MYRIP: variants seen among roughly 807,000 people sequenced by gnomAD.
The protein encoded by MYRIP is rab effector MyRIP.
MYRIP carries 49 observed loss-of-function variants against 98.0 expected under a neutral mutation model. That is an observed-to-expected ratio of 0.50 (90% CI 0.40 to 0.63). The LOEUF is 0.63. MYRIP is among the 30% of genes least tolerant of loss of function. The pLI is 0.00. For missense variants in MYRIP, 1,004 were observed against 1,058.2 expected, an observed-to-expected ratio of 0.95 and a Z score of 0.71; for synonymous variants, 404 against 409.5, an observed-to-expected ratio of 0.99 and a Z score of 0.16.
In MYRIP at chr3:39,959,346, C is replaced by G. The variant is rs58518343; in HGVS notation, c.110+58420C>G. On this transcript the variant is annotated intron_variant, in intron 2 of 16. Transcript: ENST00000302541. ...CACCATGGAATACTATGCAGCCATA[C>G]AAAAGGATGAGTTCATGTCCTTTGT... Among the ~76,000 whole-genome samples, 221 of 141,944 alleles carry G rather than the reference C, an allele frequency of 1.6e-3. 1 individual carries two copies. The highest frequency in any genetic ancestry group is 5.6e-3 in the African/African-American group (216 of 38,660). 93.1% of individuals were successfully genotyped at this position (141,944 alleles called of 152,430 possible).
chr3:39,844,599 G>C (rs544603979), intron 1 of MYRIP, among the ~76,000 whole-genome samples: 1 of 152,206 alleles, frequency 6.6e-6, no homozygotes, highest in Non-Finnish European at 1.5e-5. Context: ...CCACTTGACA[G>C]TGGGAACCTA....
chr3:39,888,905 G>T (rs1327183662), intron 1 of MYRIP, among the ~76,000 whole-genome samples: 1 of 152,138 alleles, frequency 6.6e-6, no homozygotes, highest in African/African-American at 2.4e-5. Flanking sequence ...AGACATTTAT[G>T]CAGCCAAAAA....
intron 2 of MYRIP, among the ~76,000 whole-genome samples, chr3:39,962,202 T>C (rs1422683996): frequency 1.3e-5 from 2 of 152,122 alleles, no homozygotes; most frequent in East Asian, 3.9e-4. Flanking sequence ...ATCTCCAGAT[T>C]GTTATGAAGG....
intron 2 of MYRIP, among the ~76,000 whole-genome samples, chr3:39,967,599 A>G (rs1945470999): frequency 6.6e-6 from 1 of 152,178 alleles, no homozygotes; most frequent in African/African-American, 2.4e-5. Context: ...GTATATACCC[A>G]GTAATGAGAT....
At chr3:39,879,809 G>A (rs1379066467) in intron 1 of MYRIP, among the ~76,000 whole-genome samples, 3 of 152,078 alleles carry the variant, frequency 2.0e-5, no homozygotes, top group Non-Finnish European at 2.9e-5. Context: ...ACACACACAG[G>A]TCTGGGATCA....
chr3:40,086,073 A>T (rs1948619809), intron 3 of MYRIP, among the ~76,000 whole-genome samples: 2 of 152,242 alleles, frequency 1.3e-5, no homozygotes, highest in Admixed American at 1.3e-4. Context: ...TTAGGATGGG[A>T]TCCCAAAAAA....
intron 8 of MYRIP, among the ~76,000 whole-genome samples, chr3:40,181,614 A>G (rs995327298): frequency 6.6e-6 from 1 of 152,206 alleles, no homozygotes; most frequent in African/African-American, 2.4e-5. Flanking sequence ...GTCTCTTTCT[A>G]TTTGATAAAA....
At chr3:40,216,556 C>T (rs909927441) in intron 11 of MYRIP, among the ~76,000 whole-genome samples, 4 of 152,130 alleles carry the variant, frequency 2.6e-5, no homozygotes, top group African/African-American at 4.8e-5. Context: ...ATTCACATAC[C>T]ATAACTCATA....
chr3:39,975,396 G>C (rs1434917135), intron 2 of MYRIP, among the ~76,000 whole-genome samples: 1 of 151,926 alleles, frequency 6.6e-6, no homozygotes, highest in African/African-American at 2.4e-5. Flanking sequence ...GGAAATAAAA[G>C]AGGATACAAA....
intron 3 of MYRIP, among the ~76,000 whole-genome samples, chr3:40,057,522 C>G (rs548051977): frequency 2.1e-4 from 32 of 152,316 alleles, no homozygotes; most frequent in African/African-American, 7.0e-4. Flanking sequence ...CCTGTAAGAA[C>G]AGGCACCATA....
chr3:39,924,112 T>A (rs1944361771), intron 2 of MYRIP, among the ~76,000 whole-genome samples: 1 of 151,972 alleles, frequency 6.6e-6, no homozygotes, highest in African/African-American at 2.4e-5. Context: ...TAGTAAAAAA[T>A]TTCATATTTA....
At chr3:40,199,123 G>C (rs1951481640) in intron 10 of MYRIP, among the ~76,000 whole-genome samples, 1 of 152,144 alleles carries the variant, frequency 6.6e-6, no homozygotes, top group Admixed American at 6.5e-5. Flanking sequence ...GGAAGCTCTA[G>C]TAGAACAATA....
intron 2 of MYRIP, among the ~76,000 whole-genome samples, chr3:39,951,861 T>C (rs1945024563): frequency 6.6e-6 from 1 of 152,196 alleles, no homozygotes; most frequent in Non-Finnish European, 1.5e-5. Flanking sequence ...ACTGTCACTT[T>C]TCAGTTGCTA....
intron 2 of MYRIP, among the ~76,000 whole-genome samples, chr3:39,959,073 T>A (rs1215045552): frequency 2.0e-5 from 3 of 152,228 alleles, no homozygotes; most frequent in Non-Finnish European, 2.9e-5. Flanking sequence ...TTTTACACTG[T>A]TGGTGGGACT....
At chr3:40,128,726 C>T (rs1375095010) in intron 3 of MYRIP, among the ~76,000 whole-genome samples, 2 of 152,178 alleles carry the variant, frequency 1.3e-5, no homozygotes, top group Non-Finnish European at 2.9e-5. Flanking sequence ...CAAACCAAAG[C>T]AAAGCTCACA....
intron 2 of MYRIP, among the ~76,000 whole-genome samples, chr3:39,975,332 A>G (rs1392844914): frequency 6.6e-6 from 1 of 152,098 alleles, no homozygotes; most frequent in Non-Finnish European, 1.5e-5. Context: ...TAGGAATCCG[A>G]TTTACAAGGG....
chr3:40,146,312 A>G (rs75288658), intron 3 of MYRIP, among the ~76,000 whole-genome samples: 161 of 152,302 alleles, frequency 1.1e-3, no homozygotes, highest in African/African-American at 3.8e-3. Flanking sequence ...GCCTGAGACT[A>G]TCTGTGGGGA....
chr3:40,159,271 T>C (rs1406464265), intron 4 of MYRIP, among the ~76,000 whole-genome samples: 2 of 151,702 alleles, frequency 1.3e-5, no homozygotes, highest in South Asian at 4.2e-4. Flanking sequence ...TTTGGCTGGA[T>C]ATGAAATTCT....
chr3:39,871,141 T>C (rs1035472478), intron 1 of MYRIP, among the ~76,000 whole-genome samples: 9 of 152,268 alleles, frequency 5.9e-5, no homozygotes, highest in African/African-American at 1.4e-4. Context: ...TTATTCTAAT[T>C]TGAGAAGCAG....
Sources: allele counts gnomAD v4.1 joint callset (sites outside exome capture counted in the v4.1 genomes callset), GRCh38; gene constraint gnomAD v4.1.1; transcripts MANE v1.5; gene names NCBI Gene and HGNC (gene_info 2026-07-23, HGNC 2026-07-21).